Variants in DOCK3 observed in about 807,000 individuals in gnomAD.
DOCK3 encodes dedicator of cytokinesis 3, also known as dedicator of cytokinesis protein 3.
A neutral mutation model predicts 265.6 loss-of-function variants in DOCK3; 60 were observed. The ratio of observed to expected loss-of-function variants is 0.23; its 90% CI spans 0.18 to 0.28. DOCK3 has a LOEUF of 0.28. Among genes scored for constraint, DOCK3 ranks in the 10% least tolerant of loss-of-function variants. The pLI, the probability that DOCK3 is intolerant of heterozygous loss-of-function variation, is 1.00. For synonymous variants in DOCK3, 881 were observed against 938.0 expected (o/e 0.94, Z 1.11); for missense variants, 1,981 against 2,594.3 (o/e 0.76, Z 5.14).
chr3:51,168,220 T>C (rs753358667), intron 12 of DOCK3, among the ~76,000 whole-genome samples: 1 of 152,216 alleles, frequency 6.6e-6, no homozygotes, highest in Non-Finnish European at 1.5e-5. Context: ...GTGACATTCT[T>C]CACAGAACTA....
chr3:50,912,027 T>C (rs1456594029), intron 4 of DOCK3, among the ~76,000 whole-genome samples: 1 of 152,152 alleles, frequency 6.6e-6, no homozygotes, highest in African/African-American at 2.4e-5. Context: ...TGATGTTATA[T>C]ACTGCAACTT....
chr3:51,011,571 T>A (rs9682254), intron 5 of DOCK3, among the ~76,000 whole-genome samples: 2 of 152,006 alleles, frequency 1.3e-5, no homozygotes, highest in African/African-American at 2.4e-5. Flanking sequence ...GAGTTTGAAC[T>A]TCCTCCTTTA....
rs1313324083 is a variant in DOCK3 at position 51,159,291 on chromosome 3, T to G, written c.876T>G (p.His292Gln). 1 of 1,613,440 alleles carries G rather than the reference T, an allele frequency of 6.2e-7. No individual in the cohort carries two copies. The highest frequency in any genetic ancestry group is 1.7e-5 in the Admixed American group (1 of 60,004). ...DMKRDLYIVA[H>Q]VIRIGRMLLN... ...AGAGAGATTTGTATATCGTTGCCCA[T>G]GTGATCCGAATAGGTACTGTTCACC... Residue 292 changes from histidine to glutamine, a missense_variant, in exon 11 of 53, where the codon CAT becomes CAG. His to Gln is a conservative substitution (Grantham distance 24). This residue lies in a region of DOCK3 where 456 missense variants were observed against 539.0 expected (regional missense o/e 0.85). Coordinates refer to ENST00000266037, the MANE Select transcript of DOCK3 (RefSeq NM_004947.5).
At chr3:50,942,832 A>G (rs891544268) in intron 5 of DOCK3, among the ~76,000 whole-genome samples, 1 of 152,004 alleles carries the variant, frequency 6.6e-6, no homozygotes, top group Non-Finnish European at 1.5e-5. Flanking sequence ...AAATCTAAAC[A>G]TAGATCAAAT....
chr3:51,318,400 A>G (rs2083489379), intron 32 of DOCK3, among the ~76,000 whole-genome samples: 1 of 152,166 alleles, frequency 6.6e-6, no homozygotes, highest in South Asian at 2.1e-4. Flanking sequence ...ATATATATCA[A>G]ATTGGGAAGA....
rs774004056 is a variant in DOCK3 at position 50,746,744 on chromosome 3, A to G, written c.38-31931A>G. Among the ~76,000 whole-genome samples the G allele has an allele frequency of 3.9e-4, 59 of 152,104 alleles. 1 individual carries two copies. Among genetic ancestry groups the G allele is most frequent in the Non-Finnish European group, 2.1e-4 (14 of 68,016 alleles). ...GGGAGCCAGTACATCACATGGCAAG[A>G]GCAGGAGTAAGGGGTGGAGGAAGTG... On this transcript the variant is annotated intron_variant, in intron 1 of 52. Transcript: ENST00000266037.
intron 5 of DOCK3, among the ~76,000 whole-genome samples, chr3:51,053,169 A>G (rs1423449653): frequency 1.4e-5 from 2 of 140,240 alleles, no homozygotes; most frequent in Non-Finnish European, 3.1e-5. Context: ...GAACAAAAAA[A>G]TAGCTTTAAA....
intron 2 of DOCK3, among the ~76,000 whole-genome samples, chr3:50,796,121 A>T (rs1212171803): frequency 2.6e-5 from 4 of 151,656 alleles, no homozygotes; most frequent in Non-Finnish European, 5.9e-5. Flanking sequence ...GCTAACTGCA[A>T]GCTCCGCCTC....
intron 32 of DOCK3, among the ~76,000 whole-genome samples, chr3:51,315,495 C>T (rs904973485): frequency 6.6e-6 from 1 of 152,090 alleles, no homozygotes; most frequent in Admixed American, 6.5e-5. Flanking sequence ...CAGCCCAGAC[C>T]AGATGACTTC....
intron 4 of DOCK3, among the ~76,000 whole-genome samples, chr3:50,920,217 G>T (rs1227648437): frequency 1.3e-5 from 2 of 152,000 alleles, no homozygotes; most frequent in Non-Finnish European, 2.9e-5. Context: ...TTCTTTTTTT[G>T]TTGTGCCTCT....
chr3:51,256,251 G>T (rs2079539441), intron 22 of DOCK3, among the ~76,000 whole-genome samples: 1 of 152,146 alleles, frequency 6.6e-6, no homozygotes, highest in Admixed American at 6.5e-5. Context: ...TTCCTATTCA[G>T]CCATCTTGGA....
At chr3:51,160,441 C>T (rs1430270805) in intron 11 of DOCK3, 114 bp from the exon 12 acceptor site, 6 of 1,365,190 alleles carry the variant, frequency 4.4e-6, no homozygotes, top group Admixed American at 5.7e-5. Flanking sequence ...GTAGTCTTCA[C>T]CTTAGAGGAT....
intron 26 of DOCK3, chr3:51,278,116 G>C (rs2080913954): frequency 5.1e-6 from 5 of 985,358 alleles, no homozygotes; most frequent in Non-Finnish European, 6.0e-6. Context: ...CCCTCATACA[G>C]GTTCTCCTAA....
chr3:50,960,353 G>T (rs2076853568), intron 5 of DOCK3, among the ~76,000 whole-genome samples: 1 of 151,846 alleles, frequency 6.6e-6, no homozygotes, highest in Non-Finnish European at 1.5e-5. Flanking sequence ...CACATCTCTG[G>T]CAACTCTTAT....
intron 5 of DOCK3, among the ~76,000 whole-genome samples, chr3:50,968,398 G>A (rs2077095602): frequency 6.6e-6 from 1 of 152,164 alleles, no homozygotes; most frequent in Non-Finnish European, 1.5e-5. Flanking sequence ...TAGTGTGTAA[G>A]GTGAAGTCTG....
chr3:50,734,190 T>A (rs2038413801), intron 1 of DOCK3, among the ~76,000 whole-genome samples: 2 of 152,174 alleles, frequency 1.3e-5, no homozygotes, highest in Non-Finnish European at 2.9e-5. Context: ...ACAACAAATA[T>A]GTGTAGTTTT....
At chr3:50,870,772 G>C (rs536340978) in intron 3 of DOCK3, among the ~76,000 whole-genome samples, 1 of 151,498 alleles carries the variant, frequency 6.6e-6, no homozygotes, top group Non-Finnish European at 1.5e-5. Flanking sequence ...TGGATCTCAT[G>C]TATTTTTTGT....
At chr3:51,348,703 C>G in intron 38 of DOCK3, 149 bp from the exon 39 acceptor site, 2 of 726,524 alleles carry the variant, frequency 2.8e-6, no homozygotes, top group Non-Finnish European at 4.6e-6. Flanking sequence ...GTCATGCCCC[C>G]CAAATTGGTC....
intron 5 of DOCK3, among the ~76,000 whole-genome samples, chr3:50,944,812 T>G (rs1286557401): frequency 6.6e-6 from 1 of 151,964 alleles, no homozygotes; most frequent in Non-Finnish European, 1.5e-5. Context: ...TACAAAAAAT[T>G]AGCTGGGCAT....
Sources: allele counts gnomAD v4.1 joint callset (sites outside exome capture counted in the v4.1 genomes callset), GRCh38; gene constraint gnomAD v4.1.1; regional missense constraint gnomAD v4.1.1; transcripts MANE v1.5; gene names NCBI Gene and HGNC (gene_info 2026-07-23, HGNC 2026-07-21).